The following NEK10 variants were observed in gnomAD, a reference collection of about 807,000 sequenced individuals.
NEK10 encodes NIMA related kinase 10, also known as serine/threonine-protein kinase Nek10.
A neutral mutation model predicts 159.8 loss-of-function variants in NEK10; 122 were observed. The ratio of observed to expected loss-of-function variants is 0.76; its 90% CI spans 0.66 to 0.89. NEK10 has a LOEUF of 0.89. Among genes scored for constraint, NEK10 ranks in the 40% least tolerant of loss-of-function variants. The probability of loss-of-function intolerance (pLI) is 0.00; values close to 1 mark genes in which losing one functional copy is unlikely to be tolerated. For missense variants in NEK10, 1,342 were observed against 1,323.1 expected, an observed-to-expected ratio of 1.01 and a Z score of -0.22; for synonymous variants, 466 against 457.1, an observed-to-expected ratio of 1.02 and a Z score of -0.25.
chr3:27,141,302 T>G (rs1312753609), intron 31 of NEK10, among the ~76,000 whole-genome samples, 180 bp downstream of exon 31: 2 of 152,194 alleles, frequency 1.3e-5, no homozygotes, highest in Non-Finnish European at 2.9e-5. Flanking sequence ...CCCATATATT[T>G]GCTTTGTTAC....
intron 6 of NEK10, among the ~76,000 whole-genome samples, chr3:27,317,878 C>T (rs1282660639): frequency 6.6e-6 from 1 of 152,182 alleles, no homozygotes; most frequent in African/African-American, 2.4e-5. Flanking sequence ...TCTTGGCTCA[C>T]TGCAAGCTCC....
In NEK10 at chr3:27,284,603, A is replaced by T. The variant is rs143647109; in HGVS notation, c.2013T>A (p.Val671=). Residue 671 remains valine, a splice_region_variant and synonymous_variant, in exon 22 of 36, where the codon GTT becomes GTA. Coordinates refer to ENST00000691995, the MANE Select transcript of NEK10 (RefSeq NM_001394966.1). ...IMLGDKDKVT[V]TDFGLAKQKQ... ...AAGTTTAAAAATCTTTATACTTACT[A>T]ACGGTTACTTTGTCCTTATCCCCCA... 7.7e-5 allele frequency: 116 copies of T among 1,514,568 alleles called. No homozygotes were observed. The African/African-American group carries it at 1.5e-3, about 20-fold the overall frequency. 93.8% of individuals were successfully genotyped at this position (1,514,568 alleles called of 1,614,324 possible).
chr3:27,320,848 C>T (rs1370345343), intron 6 of NEK10, among the ~76,000 whole-genome samples: 1 of 152,162 alleles, frequency 6.6e-6, no homozygotes, highest in Non-Finnish European at 1.5e-5. Context: ...AGAGTAGGCT[C>T]TGTGGCTGGT....
intron 23 of NEK10, among the ~76,000 whole-genome samples, chr3:27,241,797 T>C (rs1032791043): frequency 3.9e-5 from 6 of 152,224 alleles, no homozygotes; most frequent in African/African-American, 4.8e-5. Context: ...GGGGACTTTA[T>C]TGATAGGCTC....
chr3:27,117,943 A>T (rs1027182660), intron 33 of NEK10, among the ~76,000 whole-genome samples: 11 of 152,004 alleles, frequency 7.2e-5, no homozygotes, highest in Admixed American at 2.6e-4. Context: ...GGGTTTTTAT[A>T]ATTTTGGGTT....
chr3:27,236,723 G>T (rs2887898), intron 23 of NEK10, among the ~76,000 whole-genome samples: 33,308 of 152,102 alleles, frequency 0.22, 4,156 homozygotes, highest in Middle Eastern at 0.38. Flanking sequence ...ATGCCTTAAA[G>T]GGCAATAAAG....
intron 1 of NEK10, among the ~76,000 whole-genome samples, chr3:27,362,607 TTTC>T (rs1440924608): frequency 6.6e-6 from 1 of 150,890 alleles, no homozygotes; most frequent in Non-Finnish European, 1.5e-5. Flanking sequence ...TTGCCATTAC[TTTC>T]AATGGCAAAA....
chr3:27,255,836 T>G (rs1956113427), intron 23 of NEK10, among the ~76,000 whole-genome samples: 2 of 152,194 alleles, frequency 1.3e-5, no homozygotes, highest in Non-Finnish European at 2.9e-5. Flanking sequence ...CAGTGCCTAT[T>G]ATTTGCCAGA....
chr3:27,200,015 CT>C, intron 25 of NEK10, among the ~76,000 whole-genome samples: 1 of 152,136 alleles, frequency 6.6e-6, no homozygotes, highest in South Asian at 2.1e-4. Flanking sequence ...GGGCACTAGG[CT>C]TAATAGCTGG....
chr3:27,198,153 C>A (rs2149015191), intron 25 of NEK10, among the ~76,000 whole-genome samples: 1 of 151,958 alleles, frequency 6.6e-6, no homozygotes, highest in East Asian at 1.9e-4. Flanking sequence ...GGAAAAATAC[C>A]CCATGCTCAC....
At chr3:27,163,274 G>A (rs531209894) in intron 29 of NEK10, among the ~76,000 whole-genome samples, 4 of 151,976 alleles carry the variant, frequency 2.6e-5, no homozygotes, top group African/African-American at 9.7e-5. Context: ...CTTCTACTCT[G>A]TGGAGGTGGC....
At chr3:27,152,212 T>C (rs957025716) in intron 30 of NEK10, among the ~76,000 whole-genome samples, 5 of 152,112 alleles carry the variant, frequency 3.3e-5, no homozygotes, top group African/African-American at 1.2e-4. Flanking sequence ...AAAGTTAAGA[T>C]GAAGGAAAGA....
At chr3:27,256,470 T>C (rs976615534) in intron 22 of NEK10, 99 bp from the exon 23 acceptor site, 2 of 500,204 alleles carry the variant, frequency 4.0e-6, no homozygotes, top group Admixed American at 4.1e-5. Context: ...CTACACTTCA[T>C]AACCAAAGGC....
At chr3:27,182,372 T>A (rs1466653705) in intron 26 of NEK10, among the ~76,000 whole-genome samples, 1 of 152,142 alleles carries the variant, frequency 6.6e-6, no homozygotes, top group Non-Finnish European at 1.5e-5. Flanking sequence ...TTAAAACATT[T>A]TTTAAAAGCT....
At chr3:27,280,066 C>T (rs2042043968) in intron 22 of NEK10, among the ~76,000 whole-genome samples, 1 of 136,662 alleles carries the variant, frequency 7.3e-6, no homozygotes, top group Non-Finnish European at 1.5e-5. Context: ...ATGTTTTTAT[C>T]TCCTCTAAAT....
chr3:27,312,076 T>G, intron 8 of NEK10, 23 bp downstream of exon 8: 1 of 1,539,386 alleles, frequency 6.5e-7, no homozygotes, highest in Non-Finnish European at 9.0e-7. Flanking sequence ...CAAAAATGGC[T>G]GTGTCCCTGC....
At chr3:27,203,902 G>A (rs11129268) in intron 23 of NEK10, among the ~76,000 whole-genome samples, 35,586 of 151,910 alleles carry the variant, frequency 0.23, 4,498 homozygotes, top group Middle Eastern at 0.38. Flanking sequence ...TCAATAATAC[G>A]GAAATGGGGG....
At chr3:27,222,412 A>G (rs969706303) in intron 23 of NEK10, among the ~76,000 whole-genome samples, 2 of 152,220 alleles carry the variant, frequency 1.3e-5, no homozygotes, top group Non-Finnish European at 2.9e-5. Flanking sequence ...TTTCTTAAGA[A>G]TATATAATAA....
rs149504672 is a variant in NEK10, at chr3:27,294,255, A to C, written c.1309-603T>G. Among the ~76,000 whole-genome samples, 439 of 152,362 alleles carry C rather than the reference A, an allele frequency of 2.9e-3. 2 individuals are homozygous for C. The highest frequency in any genetic ancestry group is 0.01 in the Middle Eastern group (3 of 294). The stretch of plus-strand genomic sequence containing the variant: ...TGACATTTTGCAGTACTGAGAAAAA[A>C]GAGTGTGCCCAGCCTGCAGCTGTGC... On this transcript the variant is annotated intron_variant, in intron 15 of 35. Coordinates refer to ENST00000691995, the MANE Select transcript of NEK10 (RefSeq NM_001394966.1).
Sources: allele counts gnomAD v4.1 joint callset (sites outside exome capture counted in the v4.1 genomes callset), GRCh38; gene constraint gnomAD v4.1.1; transcripts MANE v1.5; gene names NCBI Gene and HGNC (gene_info 2026-07-23, HGNC 2026-07-21).